PBX3: variants seen among roughly 807,000 people sequenced by gnomAD.
PBX3 encodes the protein pre-B-cell leukemia transcription factor 3.
Under a neutral mutation model 48.5 loss-of-function variants are expected in PBX3, and 14 were observed. The ratio of observed to expected loss-of-function variants is 0.29; its 90% CI spans 0.19 to 0.45. The LOEUF (loss-of-function observed/expected upper bound fraction) is 0.45, where lower values mean the gene tolerates loss of function less well. Among genes scored for constraint, PBX3 ranks in the 20% least tolerant of loss-of-function variants. The probability of loss-of-function intolerance (pLI) is 1.00; values close to 1 mark genes in which losing one functional copy is unlikely to be tolerated. For synonymous variants in PBX3, 210 were observed against 200.3 expected (o/e 1.05, Z -0.41); for missense variants, 386 against 546.7 (o/e 0.71, Z 2.93).
At chr9:125,964,507 C>T (rs1842491563) in intron 8 of PBX3, among the ~76,000 whole-genome samples, 1 of 111,942 alleles carries the variant, frequency 8.9e-6, no homozygotes, top group Non-Finnish European at 2.0e-5. Context: ...ACAATACCAC[C>T]ATAGCTTTTT....
intron 2 of PBX3, among the ~76,000 whole-genome samples, chr9:125,910,341 C>G (rs1419482493): frequency 6.6e-6 from 1 of 152,058 alleles, no homozygotes; most frequent in Non-Finnish European, 1.5e-5. Flanking sequence ...CTCTGTTTTT[C>G]TTTGCCATGA....
intron 2 of PBX3, among the ~76,000 whole-genome samples, chr9:125,867,258 G>A (rs10986994): frequency 0.04 from 6,134 of 151,910 alleles, 306 homozygotes; most frequent in East Asian, 0.17. Flanking sequence ...TTGAATAAAA[G>A]AATAGAAGCC....
chr9:125,899,509 G>A (rs1489365532), intron 2 of PBX3, among the ~76,000 whole-genome samples: 1 of 147,138 alleles, frequency 6.8e-6, no homozygotes, highest in Admixed American at 6.9e-5. Context: ...GGCAGGGGAG[G>A]TTATTGTCAG....
chr9:125,764,753 AG>A (rs1836759335), intron 2 of PBX3, among the ~76,000 whole-genome samples: 1 of 152,118 alleles, frequency 6.6e-6, no homozygotes, highest in African/African-American at 2.4e-5. Context: ...CTGATTGCAA[AG>A]GTTTGCTTTT....
intron 2 of PBX3, among the ~76,000 whole-genome samples, chr9:125,882,106 T>A (rs1276600498): frequency 6.6e-6 from 1 of 151,882 alleles, no homozygotes; most frequent in Non-Finnish European, 1.5e-5. Context: ...GGCACATGCT[T>A]GTAATCCTAG....
At chr9:125,891,632 T>C (rs531682467) in intron 2 of PBX3, among the ~76,000 whole-genome samples, 21 of 152,346 alleles carry the variant, frequency 1.4e-4, no homozygotes, top group African/African-American at 5.0e-4. Flanking sequence ...GTTTGTTTTC[T>C]TTTAAGCCTT....
intron 2 of PBX3, among the ~76,000 whole-genome samples, chr9:125,838,043 AG>A (rs945628518): frequency 6.6e-6 from 1 of 152,216 alleles, no homozygotes; most frequent in African/African-American, 2.4e-5. Context: ...TGGAAAAAAA[AG>A]GTTGTACCAT....
At chr9:125,928,877 T>G (rs1488870375) in intron 3 of PBX3, among the ~76,000 whole-genome samples, 2 of 152,192 alleles carry the variant, frequency 1.3e-5, no homozygotes, top group Admixed American at 1.3e-4. Flanking sequence ...ACTAAAGGCC[T>G]GCACTACAGC....
intron 2 of PBX3, among the ~76,000 whole-genome samples, chr9:125,905,610 T>C (rs892471649): frequency 1.3e-5 from 2 of 152,030 alleles, no homozygotes; most frequent in African/African-American, 4.8e-5. Flanking sequence ...GAAAGATATA[T>C]TGACTTTTTT....
At chr9:125,778,234 T>G (rs1837130009) in intron 2 of PBX3, among the ~76,000 whole-genome samples, 1 of 151,756 alleles carries the variant, frequency 6.6e-6, no homozygotes, top group African/African-American at 2.4e-5. Context: ...AGTGCTTGGA[T>G]TACAGGTGTG....
At chr9:125,857,974 A>G (rs1839765742) in intron 2 of PBX3, among the ~76,000 whole-genome samples, 2 of 152,238 alleles carry the variant, frequency 1.3e-5, no homozygotes, top group African/African-American at 4.8e-5. Flanking sequence ...GGCTGCCCTT[A>G]GCTTGTCATA....
intron 2 of PBX3, among the ~76,000 whole-genome samples, chr9:125,877,944 G>A (rs1464928910): frequency 6.6e-6 from 1 of 152,128 alleles, no homozygotes; most frequent in Non-Finnish European, 1.5e-5. Flanking sequence ...GTTTTGCTTA[G>A]AGTTCACCAT....
At chr9:125,855,681 G>A (rs1037570360) in intron 2 of PBX3, among the ~76,000 whole-genome samples, 8 of 152,048 alleles carry the variant, frequency 5.3e-5, no homozygotes, top group African/African-American at 1.9e-4. Context: ...AATTCTATAG[G>A]GAGAATGTGA....
At chr9:125,925,365 G>A (rs1253067239) in intron 3 of PBX3, among the ~76,000 whole-genome samples, 2 of 152,120 alleles carry the variant, frequency 1.3e-5, no homozygotes, top group African/African-American at 4.8e-5. Context: ...GAGATGTGCT[G>A]TCAATGTAAA....
intron 2 of PBX3, among the ~76,000 whole-genome samples, chr9:125,806,260 A>G (rs1838121690): frequency 6.6e-6 from 1 of 152,154 alleles, no homozygotes; most frequent in Admixed American, 6.5e-5. Context: ...AGTTAGAGGA[A>G]CAGTGAAGAG....
At chr9:125,856,213 A>G (rs148031157) in intron 2 of PBX3, among the ~76,000 whole-genome samples, 2 of 152,326 alleles carry the variant, frequency 1.3e-5, no homozygotes, top group South Asian at 2.1e-4. Flanking sequence ...AATAAAAGAT[A>G]TATTATCTGG....
chr9:125,812,211 A>T (rs1337116315), intron 2 of PBX3, among the ~76,000 whole-genome samples: 3 of 152,066 alleles, frequency 2.0e-5, no homozygotes, highest in Non-Finnish European at 4.4e-5. Flanking sequence ...ACATACCAAG[A>T]CACCTCCCAA....
rs760972990 is a variant in PBX3 at position 125,965,943 on chromosome 9, CT to C, written c.*21del. 237 of 1,580,708 alleles carry C rather than the reference CT, an allele frequency of 1.5e-4. 1 individual carries two copies. In the African/African-American group the frequency reaches 2.9e-3, roughly 19 times the overall value. On this transcript the variant is annotated 3_prime_UTR_variant, in exon 9 of 9. Transcript: ENST00000373489. The stretch of plus-strand genomic sequence containing the variant: ...AACTAATCTCTGGCCACACTTTTCC[CT>C]GAGCTACATGCCTTGATAAGTGCAT...
At chr9:125,894,585 C>T (rs1458423325) in intron 2 of PBX3, among the ~76,000 whole-genome samples, 1 of 151,994 alleles carries the variant, frequency 6.6e-6, no homozygotes, top group African/African-American at 2.4e-5. Context: ...ATAAAAAGAG[C>T]AACCTGAGTC....
Sources: gnomAD v4.1 joint callset for allele counts (sites outside exome capture counted in the v4.1 genomes callset) on GRCh38, gnomAD v4.1.1 for gene constraint, MANE v1.5 for transcripts, NCBI Gene and HGNC (gene_info 2026-07-23, HGNC 2026-07-21) for gene names.